The following MMP16 variants were observed in gnomAD, a reference collection of about 807,000 sequenced individuals.
The protein encoded by MMP16 is matrix metallopeptidase 16, also known as matrix metalloproteinase-16.
In MMP16, 12 loss-of-function variants were observed where a neutral mutation model predicts 67.8. That is an observed-to-expected ratio of 0.18 (90% CI 0.11 to 0.29). The LOEUF (loss-of-function observed/expected upper bound fraction) is 0.29. Ranked by LOEUF, MMP16 falls within the 10% of genes least tolerant of loss-of-function variation. MMP16 has a pLI of 1.00. For synonymous variants in MMP16, 249 were observed against 255.9 expected (o/e 0.97, Z 0.26); for missense variants, 475 against 765.7 (o/e 0.62, Z 4.48).
rs577081792 is a variant in MMP16, at chr8:88,274,855, T to G, written c.132+52220A>C. 3.3e-5 allele frequency among the ~76,000 whole-genome samples: 5 copies of G among 151,964 alleles called. No individual in the cohort carries two copies. The East Asian group carries it at 9.7e-4, about 29-fold the overall frequency. ...GCAACTGACATCACTACCAAGAACA[T>G]TCCTAAACAAACCTGAAAAAGAAAA... On this transcript the variant is annotated intron_variant, in intron 1 of 9. Coordinates refer to ENST00000286614, the MANE Select transcript of MMP16 (RefSeq NM_005941.5).
intron 2 of MMP16, among the ~76,000 whole-genome samples, chr8:88,195,760 TG>T (rs1809239867): frequency 6.6e-6 from 1 of 152,178 alleles, no homozygotes. Context: ...TTTTTATTCT[TG>T]ATTCTGTTTT....
intron 6 of MMP16, among the ~76,000 whole-genome samples, chr8:88,110,164 A>G (rs1188346985): frequency 6.6e-6 from 1 of 151,356 alleles, no homozygotes; most frequent in Admixed American, 6.6e-5. Flanking sequence ...TATGCTCAAA[A>G]TATTTAAACT....
intron 7 of MMP16, among the ~76,000 whole-genome samples, chr8:88,073,492 G>T (rs144641191): frequency 6.6e-6 from 1 of 152,076 alleles, no homozygotes; most frequent in South Asian, 2.1e-4. Flanking sequence ...TTGTTCAGCT[G>T]ATACAGCTAG....
chr8:88,201,127 G>C (rs7835345), intron 1 of MMP16, among the ~76,000 whole-genome samples: 90,107 of 132,036 alleles, frequency 0.68, 32,028 homozygotes, highest in Non-Finnish European at 0.82. Flanking sequence ...ATTAATTGCA[G>C]ACATCCTTTC....
At chr8:88,287,425 A>C (rs1327584261) in intron 1 of MMP16, among the ~76,000 whole-genome samples, 1 of 152,204 alleles carries the variant, frequency 6.6e-6, no homozygotes, top group East Asian at 1.9e-4. Flanking sequence ...TGCTAGATCA[A>C]AGTTATGAGT....
chr8:88,065,859 TA>T (rs1039107319), intron 7 of MMP16, among the ~76,000 whole-genome samples: 19 of 152,290 alleles, frequency 1.2e-4, no homozygotes, highest in African/African-American at 4.3e-4. Flanking sequence ...AACCATTTCT[TA>T]ACAAACAGTT....
At chr8:88,314,865 A>G (rs1811353782) in intron 1 of MMP16, among the ~76,000 whole-genome samples, 1 of 152,130 alleles carries the variant, frequency 6.6e-6, no homozygotes, top group South Asian at 2.1e-4. Context: ...TCTTCTCTCC[A>G]TTATTCTGAA....
At chr8:88,268,814 CTT>C (rs1810519724) in intron 1 of MMP16, among the ~76,000 whole-genome samples, 1 of 114,410 alleles carries the variant, frequency 8.7e-6, no homozygotes, top group South Asian at 3.6e-4. Context: ...AAATCCCACA[CTT>C]TGTTATTGTT....
At chr8:88,115,396 G>A (rs185398700) in intron 6 of MMP16, among the ~76,000 whole-genome samples, 14 of 152,090 alleles carry the variant, frequency 9.2e-5, no homozygotes, top group African/African-American at 2.4e-4. Flanking sequence ...ATCAAATTAC[G>A]TATTGCAGGG....
At chr8:88,265,938 T>C (rs1334337314) in intron 1 of MMP16, among the ~76,000 whole-genome samples, 2 of 152,174 alleles carry the variant, frequency 1.3e-5, no homozygotes, top group African/African-American at 4.8e-5. Context: ...GCAATCTGGA[T>C]CTGACTGCTC....
At chr8:88,132,580 T>C (rs1416352203) in intron 4 of MMP16, among the ~76,000 whole-genome samples, 2 of 151,896 alleles carry the variant, frequency 1.3e-5, no homozygotes, top group African/African-American at 4.8e-5. Flanking sequence ...TCTTTTCACA[T>C]GTTGGCTATG....
At chr8:88,234,597 T>A (rs1809912180) in intron 1 of MMP16, among the ~76,000 whole-genome samples, 4 of 152,200 alleles carry the variant, frequency 2.6e-5, no homozygotes, top group Admixed American at 2.6e-4. Flanking sequence ...CTGCAGCAGA[T>A]CTTTTGTTTC....
At chr8:88,072,863 G>A (rs569488955) in intron 7 of MMP16, among the ~76,000 whole-genome samples, 66 of 152,248 alleles carry the variant, frequency 4.3e-4, no homozygotes, top group African/African-American at 1.4e-3. Flanking sequence ...TACATAGGGT[G>A]GGCAGGGAGG....
intron 4 of MMP16, among the ~76,000 whole-genome samples, chr8:88,121,071 GT>G (rs397974015): frequency 0.04 from 5,564 of 137,870 alleles, 333 homozygotes; most frequent in African/African-American, 0.13. Context: ...CTTGCTCTCA[GT>G]TTTTTTTTTT....
intron 4 of MMP16, among the ~76,000 whole-genome samples, chr8:88,141,924 T>TA (rs1393895614): frequency 6.6e-6 from 1 of 152,008 alleles, no homozygotes; most frequent in Admixed American, 6.6e-5. Flanking sequence ...AATATGTTTT[T>TA]TTTTTTTTGA....
chr8:88,054,132 G>T (rs1586125213), intron 8 of MMP16, among the ~76,000 whole-genome samples: 2 of 152,054 alleles, frequency 1.3e-5, no homozygotes, highest in East Asian at 3.9e-4. Flanking sequence ...CCCTACATTT[G>T]TGGGAAAAAG....
Position 88,289,988 on chromosome 8 carries a change from C to T in MMP16, c.132+37087G>A, listed in dbSNP as rs772956006. Reference sequence around the variant, plus strand: ...AGCTGATATCTGAAGGCAGAACTCTCGCTTTATCTGGCCTTAACTGGGAAC... The same window carrying T: ...AGCTGATATCTGAAGGCAGAACTCTTGCTTTATCTGGCCTTAACTGGGAAC... On this transcript the variant is annotated intron_variant, in intron 1 of 9. Coordinates refer to ENST00000286614, the MANE Select transcript of MMP16 (RefSeq NM_005941.5). Among the ~76,000 whole-genome samples the T allele has an allele frequency of 4.6e-5, 7 of 152,202 alleles. No individual in the cohort carries two copies. The South Asian group carries it at 1.5e-3, about 32-fold the overall frequency.
chr8:88,306,171 A>G (rs1811209378), intron 1 of MMP16, among the ~76,000 whole-genome samples: 1 of 152,164 alleles, frequency 6.6e-6, no homozygotes, highest in Non-Finnish European at 1.5e-5. Flanking sequence ...TTATGCACAT[A>G]AACTAAAATC....
intron 6 of MMP16, among the ~76,000 whole-genome samples, chr8:88,113,363 A>G (rs1586158081): frequency 1.3e-5 from 2 of 151,784 alleles, no homozygotes; most frequent in Non-Finnish European, 2.9e-5. Context: ...ATTTAGGAGA[A>G]AATAAGTGTT....
Sources: allele counts gnomAD v4.1 joint callset (sites outside exome capture counted in the v4.1 genomes callset), GRCh38; gene constraint gnomAD v4.1.1; transcripts MANE v1.5; gene names NCBI Gene and HGNC (gene_info 2026-07-23, HGNC 2026-07-21).